GAPVD1: variants seen among roughly 807,000 people sequenced by gnomAD.
The protein encoded by GAPVD1 is GTPase activating protein and VPS9 domains 1, also known as GTPase-activating protein and VPS9 domain-containing protein 1.
GAPVD1 carries 35 observed loss-of-function variants against 155.5 expected under a neutral mutation model. That is an observed-to-expected ratio of 0.23 (90% CI 0.17 to 0.30). The LOEUF (loss-of-function observed/expected upper bound fraction) is 0.30, where lower values mean the gene tolerates loss of function less well. GAPVD1 is among the 10% of genes least tolerant of loss of function. The pLI is 1.00. For synonymous variants in GAPVD1, 636 were observed against 619.7 expected (o/e 1.03, Z -0.39); for missense variants, 1,429 against 1,775.7 (o/e 0.80, Z 3.51).
intron 27 of GAPVD1, among the ~76,000 whole-genome samples, chr9:125,361,584 G>T (rs1446918250): frequency 6.6e-6 from 1 of 151,166 alleles, no homozygotes; most frequent in Non-Finnish European, 1.5e-5. Context: ...ATTATTGGAT[G>T]AATGGATGAG....
intron 1 of GAPVD1, among the ~76,000 whole-genome samples, chr9:125,266,731 C>G (rs1007715426): frequency 6.6e-6 from 1 of 152,020 alleles, no homozygotes; most frequent in South Asian, 2.1e-4. Context: ...TTGTATCTTT[C>G]CCTATTTTCT....
At chr9:125,323,696 AAC>A in intron 10 of GAPVD1, 100 bp from the exon 11 acceptor site, 1 of 1,136,390 alleles carries the variant, frequency 8.8e-7, no homozygotes, top group Non-Finnish European at 1.3e-6. Context: ...AAGTATTAAA[AAC>A]ACTTTAATCA....
intron 27 of GAPVD1, among the ~76,000 whole-genome samples, chr9:125,361,388 A>G (rs148523120): frequency 1.3e-5 from 2 of 152,110 alleles, no homozygotes; most frequent in Non-Finnish European, 2.9e-5. Context: ...AAATACAAAA[A>G]TTACAGGCTC....
chr9:125,276,873 A>C (rs1056451715), intron 2 of GAPVD1, among the ~76,000 whole-genome samples: 1 of 152,040 alleles, frequency 6.6e-6, no homozygotes, highest in African/African-American at 2.4e-5. Flanking sequence ...GTGTTCTCAT[A>C]TCAGCCTCCT....
intron 20 of GAPVD1, among the ~76,000 whole-genome samples, chr9:125,347,466 C>G (rs1411537130): frequency 6.6e-6 from 1 of 152,148 alleles, no homozygotes; most frequent in African/African-American, 2.4e-5. Flanking sequence ...TGGCTCACAC[C>G]TGTAATCCCA....
chr9:125,296,358 G>GTTTTTTTTTTTTTTTTTTTT (rs1554758517), intron 3 of GAPVD1, among the ~76,000 whole-genome samples: 1 of 121,758 alleles, frequency 8.2e-6, no homozygotes, highest in African/African-American at 3.6e-5. Flanking sequence ...TAGTTCTTAG[G>GTTTTTTTTTTTTTTTTTTTT]TTTTTTTTTT....
intron 3 of GAPVD1, among the ~76,000 whole-genome samples, chr9:125,296,364 T>TTTTTTGTTTTTTG (rs1391657115): frequency 1.4e-5 from 2 of 146,444 alleles, no homozygotes; most frequent in Admixed American, 6.7e-5. Context: ...TTAGGTTTTT[T>TTTTTTGTTTTTTG]TTTTTTTTTG....
chr9:125,330,008 C>A, intron 12 of GAPVD1, 70 bp from the exon 13 acceptor site: 1 of 1,333,270 alleles, frequency 7.5e-7, no homozygotes, highest in Non-Finnish European at 1.0e-6. Flanking sequence ...TAGTGTTTGG[C>A]TTTTCTCCAC....
Position 125,342,292 on chromosome 9 carries a change from A to T in GAPVD1, c.3039A>T (p.Thr1013=). Residue 1013 remains threonine, a synonymous_variant, in exon 19 of 28, where the codon ACA becomes ACT. Coordinates refer to ENST00000297933, the MANE Select transcript of GAPVD1 (RefSeq NM_001282680.3). ...ATCTGGGGCCTGACAGATTCTCAAC[A>T]CTCACAGGTTTGTAGACCCATGGAC... ...KDDLGPDRFS[T]LTDDPSPRLS... 1.3e-6 allele frequency: 2 copies of T among 1,576,792 alleles called. No individual in the cohort carries two copies. The highest frequency in any genetic ancestry group is 4.5e-5 in the East Asian group (2 of 44,712).
At chr9:125,332,103 C>T in intron 14 of GAPVD1, 43 bp downstream of exon 14, 1 of 1,563,728 alleles carries the variant, frequency 6.4e-7, no homozygotes, top group Non-Finnish European at 8.8e-7. Context: ...TGAAGGTGTT[C>T]ACCCCCTACC....
intron 27 of GAPVD1, among the ~76,000 whole-genome samples, chr9:125,361,078 G>T (rs1347373059): frequency 6.6e-6 from 1 of 152,084 alleles, no homozygotes; most frequent in Admixed American, 6.6e-5. Context: ...TGGCCAAGCT[G>T]GTCTCGTGGT....
intron 10 of GAPVD1, 123 bp from the exon 11 acceptor site, chr9:125,323,675 T>G: frequency 2.3e-6 from 2 of 888,616 alleles, no homozygotes; most frequent in South Asian, 3.1e-5. Context: ...TGTGTTTTTT[T>G]AAGGTATAAA....
At chr9:125,339,341 C>A (rs1243516412) in intron 17 of GAPVD1, among the ~76,000 whole-genome samples, 1 of 152,112 alleles carries the variant, frequency 6.6e-6, no homozygotes, top group Admixed American at 6.6e-5. Flanking sequence ...ATTTTGAAGC[C>A]CAGTTGTCCC....
chr9:125,293,871 TATA>T (rs1171080835), intron 2 of GAPVD1, among the ~76,000 whole-genome samples: 42 of 90,194 alleles, frequency 4.7e-4, no homozygotes, highest in African/African-American at 9.4e-4. Flanking sequence ...TATATATATA[TATA>T]TATATATATA....
intron 19 of GAPVD1, 193 bp from the exon 20 acceptor site, chr9:125,346,626 G>C: frequency 1.6e-6 from 1 of 618,536 alleles, no homozygotes; most frequent in Non-Finnish European, 2.9e-6. Context: ...CCAATTTCCT[G>C]CTTTGGCAAG....
At chr9:125,347,923 G>A (rs765261863) in intron 20 of GAPVD1, among the ~76,000 whole-genome samples, 3 of 152,134 alleles carry the variant, frequency 2.0e-5, no homozygotes, top group African/African-American at 7.2e-5. Flanking sequence ...TTTCCAAATA[G>A]CAGAAGAATT....
intron 19 of GAPVD1, among the ~76,000 whole-genome samples, chr9:125,345,459 C>T (rs998844946): frequency 1.8e-4 from 27 of 152,292 alleles, no homozygotes; most frequent in African/African-American, 5.3e-4. Context: ...GGATTACAGG[C>T]GTGAGCCACC....
intron 15 of GAPVD1, chr9:125,335,375 TC>T: frequency 4.1e-6 from 2 of 482,310 alleles, no homozygotes; most frequent in African/African-American, 4.0e-5. Flanking sequence ...TAAAATTTTT[TC>T]TTTTTTTTTT....
chr9:125,308,234 T>C, intron 8 of GAPVD1: 1 of 272,240 alleles, frequency 3.7e-6, no homozygotes, highest in South Asian at 7.1e-5. Context: ...TGGTCCCTGC[T>C]ACTTGGGAGG....
Sources: gnomAD v4.1 joint callset for allele counts (sites outside exome capture counted in the v4.1 genomes callset) on GRCh38, gnomAD v4.1.1 for gene constraint, MANE v1.5 for transcripts, NCBI Gene and HGNC (gene_info 2026-07-23, HGNC 2026-07-21) for gene names.